Variants in ASMTL observed in about 807,000 individuals in gnomAD.
ASMTL encodes the protein acetylserotonin O-methyltransferase like.
In ASMTL, 57 loss-of-function variants were observed where a neutral mutation model predicts 60.3. The observed-to-expected ratio is 0.95, with a 90% CI of 0.76 to 1.18. The LOEUF is 1.18. ASMTL is among the 50% of genes most tolerant of loss of function. ASMTL has a pLI of 0.00. For synonymous variants in ASMTL, 419 were observed against 373.0 expected (o/e 1.12, Z -1.42); for missense variants, 981 against 852.6 (o/e 1.15, Z -1.88).
At chrX:1,411,348 A>G (rs1469160605) in intron 12 of ASMTL, among the ~76,000 whole-genome samples, 1 of 152,182 alleles carries the variant, frequency 6.6e-6, no homozygotes, top group Non-Finnish European at 1.5e-5. Context: ...TTGTCTGCAA[A>G]TATTCCAGGA....
intron 8 of ASMTL, 122 bp downstream of exon 8, chrX:1,425,403 T>C (rs1191859771): frequency 3.2e-5 from 37 of 1,168,278 alleles, no homozygotes; most frequent in Non-Finnish European, 4.3e-5. Flanking sequence ...GCAGCATTCC[T>C]GAGGGCAGAG....
intron 11 of ASMTL, 58 bp from the exon 12 acceptor site, chrX:1,412,912 G>T: frequency 6.2e-7 from 1 of 1,600,704 alleles, no homozygotes; most frequent in Non-Finnish European, 8.6e-7. Context: ...AGTCCTCCCC[G>T]GACAGATCCT....
Position 1,434,909 on chromosome X carries a change from C to T in ASMTL, c.400+113G>A, listed in dbSNP as rs1206949844. On this transcript the variant is annotated intron_variant, in intron 5 of 12. Transcript: ENST00000381317. The stretch of plus-strand genomic sequence containing the variant: ...CCAAGCAGGACATAGGCACAAACCC[C>T]TCCACAGGTGGGGGTGAGCAACCGT... 20 of 1,156,206 alleles carry T rather than the reference C, an allele frequency of 1.7e-5. No individual in the cohort carries two copies. The Middle Eastern group carries it at 8.3e-4, about 48-fold the overall frequency. The allele number at this position is 1,156,206 out of a possible 1,614,324, so 71.6% of individuals were successfully genotyped here.
At chrX:1,437,336 C>CTG (rs2090992590) in intron 3 of ASMTL, among the ~76,000 whole-genome samples, 1 of 150,072 alleles carries the variant, frequency 6.7e-6, no homozygotes, top group South Asian at 2.1e-4. Flanking sequence ...TTTCAGGCTG[C>CTG]TAAAACAATA....
intron 1 of ASMTL, among the ~76,000 whole-genome samples, chrX:1,450,528 C>A (rs1245296566): frequency 1.4e-5 from 2 of 145,214 alleles, no homozygotes; most frequent in Non-Finnish European, 3.0e-5. Context: ...GATCACACTC[C>A]CCTCCCCCAT....
chrX:1,415,869 T>C lies in ASMTL; in HGVS notation c.1522+2104A>G, dbSNP rs182218876. On this transcript the variant is annotated intron_variant, in intron 11 of 12. Transcript: ENST00000381317. ...AGACACAGACACAGGCACACACACA[T>C]ATACCCATCCAGATGCACAGAAATG... is the stretch of plus-strand genomic sequence containing the variant. Among the ~76,000 whole-genome samples the C allele has an allele frequency of 7.3e-4, 109 of 150,256 alleles. 1 individual carries two copies. Among genetic ancestry groups the C allele is most frequent in the Admixed American group, 2.8e-3 (43 of 15,130 alleles).
intron 9 of ASMTL, 38 bp downstream of exon 9, chrX:1,421,620 C>G (rs374797416): frequency 6.2e-7 from 1 of 1,610,840 alleles, no homozygotes; most frequent in East Asian, 2.2e-5. Context: ...GCAAAATGCA[C>G]GCTAGACGGA....
chrX:1,443,075 TGGACACACACTGCCATCTG>T (rs2091142911), intron 1 of ASMTL, among the ~76,000 whole-genome samples: 2 of 128,038 alleles, frequency 1.6e-5, no homozygotes, highest in Non-Finnish European at 3.3e-5. Flanking sequence ...ACCGTCGTCG[TGGACACACACTGCCATCTG>T]GGACACACAC....
At chrX:1,428,887 C>CT (rs2090693044) in intron 6 of ASMTL, among the ~76,000 whole-genome samples, 1 of 148,134 alleles carries the variant, frequency 6.8e-6, no homozygotes, top group South Asian at 2.2e-4. Context: ...TCCTGTCTCA[C>CT]TTTTTTATTT....
At chrX:1,444,815 C>T (rs1238461727) in intron 1 of ASMTL, among the ~76,000 whole-genome samples, 1 of 152,076 alleles carries the variant, frequency 6.6e-6, no homozygotes, top group Non-Finnish European at 1.5e-5. Context: ...CTTTTCTCTC[C>T]ATTCACCTTC....
chrX:1,413,068 C>T lies in ASMTL; in HGVS notation c.1523-214G>A, dbSNP rs1475026682. Reference sequence around the variant, plus strand: ...GATGTCACGCCCGTGCGGTTTGACTCGGGCTGAGAAAACGCTGGGGACAGT... The same window carrying T: ...GATGTCACGCCCGTGCGGTTTGACTTGGGCTGAGAAAACGCTGGGGACAGT... On this transcript the variant is annotated intron_variant, in intron 11 of 12. Coordinates refer to ENST00000381317, the MANE Select transcript of ASMTL (RefSeq NM_004192.4). 21 of 595,720 alleles carry T rather than the reference C, an allele frequency of 3.5e-5. No homozygotes were observed. The East Asian group carries it at 3.9e-4, about 11-fold the overall frequency. 36.9% of individuals were successfully genotyped at this position (595,720 alleles called of 1,614,324 possible). A position where few individuals can be genotyped will look rare whatever the true frequency, so the allele number is the denominator to read the frequency against.
At chrX:1,425,147 T>C (rs1252443273) in intron 8 of ASMTL, among the ~76,000 whole-genome samples, 2 of 152,152 alleles carry the variant, frequency 1.3e-5, no homozygotes, top group African/African-American at 4.8e-5. Context: ...AATGTATCTA[T>C]GCATTTATCA....
chrX:1,403,271 A>G lies in ASMTL; in HGVS notation c.1864T>C (p.Ter622ArgextTer30), dbSNP rs1603450010. 1 of 1,249,886 alleles carries G rather than the reference A, an allele frequency of 8.0e-7. No homozygotes were observed. Among genetic ancestry groups the G allele is most frequent in the South Asian group, 1.3e-5 (1 of 76,426 alleles). 77.4% of individuals were successfully genotyped at this position (1,249,886 alleles called of 1,614,324 possible). A position where few individuals can be genotyped will look rare whatever the true frequency, so the allele number is the denominator to read the frequency against. Residue 622 changes from the stop codon to arginine, a stop_lost, in exon 13 of 13, where the codon TGA becomes CGA. Transcript: ENST00000381317. Reference protein sequence around the residue: ...DAILATKVAP* With the variant: ...DAILATKVAPR ...ATAATGAACATGCTGCCTGGGCTTC[A>G]GGGGGCCACTTTGGTGGCCAAGATG...
intron 12 of ASMTL, among the ~76,000 whole-genome samples, chrX:1,406,430 T>G (rs1273784608): frequency 6.9e-6 from 1 of 145,544 alleles, no homozygotes; most frequent in Non-Finnish European, 1.5e-5. Context: ...ATGGATGAGA[T>G]GGATGGAGGG....
At position 1,452,793 on chromosome X, in the gene ASMTL, C is replaced by T; in HGVS notation, c.48G>A (p.Val16=). The T allele has an allele frequency of 6.3e-7, 1 of 1,597,286 alleles. No individual in the cohort carries two copies. Among genetic ancestry groups the T allele is most frequent in the Non-Finnish European group, 8.5e-7 (1 of 1,177,620 alleles). Residue 16 remains valine, a synonymous_variant, in exon 1 of 13, where the codon GTG becomes GTA. Coordinates refer to ENST00000381317, the MANE Select transcript of ASMTL (RefSeq NM_004192.4). ...GACGGCGTGGGGAGGCGCTGGCCAG[C>T]ACCACGCGCTTGTGCAGCAGCTTCC... ...VIGKLLHKRV[V]LASASPRRQE... is the part of the protein sequence containing the mutation.
At chrX:1,407,841 T>C (rs770051239) in intron 12 of ASMTL, among the ~76,000 whole-genome samples, 3 of 151,316 alleles carry the variant, frequency 2.0e-5, no homozygotes, top group Non-Finnish European at 4.4e-5. Flanking sequence ...CAGAGATTGA[T>C]GATGATAGAT....
rs1191215240 is a variant in ASMTL at position 1,428,008 on chromosome X, A to G, written c.623T>C (p.Leu208Pro). Reference sequence around the variant, plus strand: ...ACGGGGCGGGTAGTAGAGCTTCACCAGCTGCTTGCAGAAGTGGTTCAGCGG... The same window carrying G: ...ACGGGGCGGGTAGTAGAGCTTCACCGGCTGCTTGCAGAAGTGGTTCAGCGG... ...GFPLNHFCKQ[L>P]VKLYYPPRPE... Residue 208 changes from leucine to proline, a missense_variant, in exon 7 of 13, where the codon CTG becomes CCG. Coordinates refer to ENST00000381317, the MANE Select transcript of ASMTL (RefSeq NM_004192.4). 1 of 1,613,522 alleles carries G rather than the reference A, an allele frequency of 6.2e-7. No homozygotes were observed. The highest frequency in any genetic ancestry group is 1.3e-5 in the African/African-American group (1 of 74,936).
intron 8 of ASMTL, among the ~76,000 whole-genome samples, chrX:1,422,692 G>A (rs2090514464): frequency 6.6e-6 from 1 of 152,250 alleles, no homozygotes; most frequent in South Asian, 2.1e-4. Flanking sequence ...ACAGCCCTGT[G>A]TTCATGTTAA....
intron 11 of ASMTL, among the ~76,000 whole-genome samples, chrX:1,416,761 A>T (rs1474599772): frequency 1.0e-5 from 1 of 96,786 alleles, no homozygotes; most frequent in Non-Finnish European, 2.3e-5. Context: ...ACACACAGAC[A>T]CATGCACACA....
Sources: allele counts gnomAD v4.1 joint callset (sites outside exome capture counted in the v4.1 genomes callset), GRCh38; gene constraint gnomAD v4.1.1; transcripts MANE v1.5; gene names NCBI Gene and HGNC (gene_info 2026-07-23, HGNC 2026-07-21).